ST18: variants seen among roughly 807,000 people sequenced by gnomAD.
The protein encoded by ST18 is suppression of tumorigenicity 18 protein.
ST18 carries 50 observed loss-of-function variants against 110.0 expected under a neutral mutation model. The ratio of observed to expected loss-of-function variants is 0.45; its 90% CI spans 0.36 to 0.58. The LOEUF is 0.58. Among genes scored for constraint, ST18 ranks in the 20% least tolerant of loss-of-function variants. ST18 has a pLI of 0.00. For missense variants in ST18, 1,306 were observed against 1,280.1 expected, an observed-to-expected ratio of 1.02 and a Z score of -0.31; for synonymous variants, 461 against 452.4, an observed-to-expected ratio of 1.02 and a Z score of -0.24.
intron 23 of ST18, among the ~76,000 whole-genome samples, chr8:52,123,320 C>T (rs111784790): frequency 1.4e-4 from 22 of 152,262 alleles, no homozygotes; most frequent in African/African-American, 4.3e-4. Flanking sequence ...AAGCCATATG[C>T]ACTTTGTATT....
chr8:52,159,074 G>T lies in ST18; in HGVS notation c.1630C>A (p.Arg544=). 2 of 1,614,076 alleles carry T rather than the reference G, an allele frequency of 1.2e-6. No homozygotes were observed. The highest frequency in any genetic ancestry group is 2.2e-5 in the South Asian group (2 of 91,046). ...HFPNPVKFPN[R]LPSAGAHTQS... is the part of the protein sequence containing the mutation. The stretch of plus-strand genomic sequence containing the variant: ...GTGTGGGCGCCTGCACTAGGCAGTC[G>T]ATTAGGAAATTTCACTGGATTTGGA... The change falls in exon 15 of 26, where the codon CGA becomes AGA. Residue 544 remains arginine (R), a synonymous_variant. Coordinates refer to ENST00000689386, the MANE Select transcript of ST18 (RefSeq NM_001352837.2).
chr8:52,148,522 C>T (rs1015783662), intron 16 of ST18, among the ~76,000 whole-genome samples: 2 of 152,154 alleles, frequency 1.3e-5, no homozygotes, highest in East Asian at 1.9e-4. Flanking sequence ...TATTTGGCTA[C>T]AGGTCAGTCT....
intron 2 of ST18, among the ~76,000 whole-genome samples, chr8:52,371,128 A>G (rs1830132178): frequency 6.6e-6 from 1 of 152,204 alleles, no homozygotes; most frequent in Non-Finnish European, 1.5e-5. Context: ...GAACCTGTGC[A>G]ATTCACTACT....
chr8:52,143,206 G>A (rs1484468667), intron 16 of ST18, among the ~76,000 whole-genome samples, 161 bp from the exon 17 acceptor site: 3 of 152,190 alleles, frequency 2.0e-5, no homozygotes, highest in Non-Finnish European at 4.4e-5. Flanking sequence ...AATAATATAG[G>A]CCAGGCGAGG....
chr8:52,357,679 ATATATAT>A (rs1564567979), intron 2 of ST18, among the ~76,000 whole-genome samples: 5 of 19,716 alleles, frequency 2.5e-4, no homozygotes, highest in African/African-American at 4.2e-4. Context: ...ATCTATAAAT[ATATATAT>A]ATATATATAT....
chr8:52,226,090 A>C (rs138093877), intron 3 of ST18, among the ~76,000 whole-genome samples: 7 of 152,344 alleles, frequency 4.6e-5, no homozygotes, highest in African/African-American at 7.2e-5. Context: ...AGCAAAGGAC[A>C]GAGCAACAGT....
intron 22 of ST18, among the ~76,000 whole-genome samples, chr8:52,127,879 AGGCTGAGGTATTT>A (rs1283901023): frequency 6.6e-6 from 1 of 152,014 alleles, no homozygotes; most frequent in Non-Finnish European, 1.5e-5. Flanking sequence ...AGATTTTAAG[AGGCTGAGGTATTT>A]GGCTCCATAC....
intron 2 of ST18, among the ~76,000 whole-genome samples, chr8:52,312,641 T>C (rs1184219532): frequency 6.6e-6 from 1 of 152,056 alleles, no homozygotes; most frequent in Non-Finnish European, 1.5e-5. Flanking sequence ...ATGCAGTGAG[T>C]GCATTCTTCT....
chr8:52,147,181 T>G (rs2057535359), intron 16 of ST18, among the ~76,000 whole-genome samples: 1 of 152,198 alleles, frequency 6.6e-6, no homozygotes. Flanking sequence ...GAATCCCATC[T>G]TGTGTGTGTG....
chr8:52,369,666 A>G (rs1829531170), intron 2 of ST18, among the ~76,000 whole-genome samples: 1 of 152,226 alleles, frequency 6.6e-6, no homozygotes, highest in South Asian at 2.1e-4. Context: ...CTGATTCAAC[A>G]TTTAAAATGT....
intron 22 of ST18, among the ~76,000 whole-genome samples, chr8:52,126,462 T>C (rs1333777860): frequency 6.6e-6 from 1 of 152,258 alleles, no homozygotes; most frequent in Non-Finnish European, 1.5e-5. Flanking sequence ...AGTGGTTACT[T>C]TATTTTCTGT....
At chr8:52,137,824 C>T (rs1008135292) in intron 17 of ST18, 4 of 213,362 alleles carry the variant, frequency 1.9e-5, no homozygotes, top group South Asian at 7.9e-5. Flanking sequence ...TATATGTTGC[C>T]GGGCATGGTG....
chr8:52,345,897 T>G (rs944089571), intron 2 of ST18, among the ~76,000 whole-genome samples: 2 of 152,118 alleles, frequency 1.3e-5, no homozygotes, highest in African/African-American at 4.8e-5. Context: ...AGATACAGAA[T>G]TTCAAAAATA....
chr8:52,259,999 TATC>T (rs2094635953), intron 2 of ST18, among the ~76,000 whole-genome samples: 1 of 152,228 alleles, frequency 6.6e-6, no homozygotes, highest in Admixed American at 6.5e-5. Context: ...ACAAAGCTGT[TATC>T]ATCTAACATA....
At chr8:52,141,181 C>T (rs935707719) in intron 17 of ST18, among the ~76,000 whole-genome samples, 2 of 152,170 alleles carry the variant, frequency 1.3e-5, no homozygotes, top group African/African-American at 4.8e-5. Context: ...TTTGAGAATG[C>T]AAAGTCTAAG....
intron 25 of ST18, 133 bp downstream of exon 25, chr8:52,116,140 CTG>C (rs2042452060): frequency 1.1e-6 from 1 of 915,874 alleles, no homozygotes; most frequent in Non-Finnish European, 1.6e-6. Flanking sequence ...CCAAGCCAGA[CTG>C]TGATGAAGTG....
intron 2 of ST18, among the ~76,000 whole-genome samples, chr8:52,247,104 G>T (rs2093922675): frequency 6.6e-6 from 1 of 152,048 alleles, no homozygotes; most frequent in Non-Finnish European, 1.5e-5. Context: ...TGGAAAAGAG[G>T]TATTACTAAC....
At chr8:52,115,130 G>A (rs982348170) in intron 25 of ST18, among the ~76,000 whole-genome samples, 4 of 152,022 alleles carry the variant, frequency 2.6e-5, no homozygotes, top group South Asian at 2.1e-4. Context: ...ATTTGGAATC[G>A]GTTAAGATAA....
In ST18 at chr8:52,159,229, G is replaced by A. The variant is rs537502363; in HGVS notation, c.1595-120C>T. The A allele has an allele frequency of 4.6e-4, 425 of 928,032 alleles. 3 individuals are homozygous for A. The South Asian group carries it at 6.2e-3, about 13-fold the overall frequency. 57.5% of individuals were successfully genotyped at this position (928,032 alleles called of 1,614,324 possible). On this transcript the variant is annotated intron_variant, in intron 14 of 25. Transcript: ENST00000689386. ...ATATGTGAAGAATAAATTAAAACAC[G>A]TTCCATTATCCATGGGAACATTAAA...
Sources: gnomAD v4.1 joint callset for allele counts (sites outside exome capture counted in the v4.1 genomes callset) on GRCh38, gnomAD v4.1.1 for gene constraint, MANE v1.5 for transcripts, NCBI Gene and HGNC (gene_info 2026-07-23, HGNC 2026-07-21) for gene names.